The following COLGALT1 variants were observed in gnomAD, a reference collection of about 807,000 sequenced individuals.
The protein encoded by COLGALT1 is collagen beta(1-O)galactosyltransferase 1.
Under a neutral mutation model 60.8 loss-of-function variants are expected in COLGALT1, and 43 were observed. The observed-to-expected ratio is 0.71, with a 90% CI of 0.55 to 0.91. COLGALT1 has a LOEUF of 0.91. COLGALT1 is among the 40% of genes least tolerant of loss of function. The pLI, the probability that COLGALT1 is intolerant of heterozygous loss-of-function variation, is 0.00. For missense variants in COLGALT1, 845 were observed against 880.0 expected, an observed-to-expected ratio of 0.96 and a Z score of 0.50; for synonymous variants, 369 against 374.2, an observed-to-expected ratio of 0.99 and a Z score of 0.16.
At position 17,556,007 on chromosome 19, in the gene COLGALT1, C is replaced by T. The variant is rs2076208582; in HGVS notation, c.260+34C>T. 3.9e-6 allele frequency: 5 copies of T among 1,289,122 alleles called. No individual in the cohort carries two copies. The South Asian group carries it at 1.1e-4, about 28-fold the overall frequency. 79.9% of individuals were successfully genotyped at this position (1,289,122 alleles called of 1,614,324 possible). On this transcript the variant is annotated intron_variant, in intron 1 of 11. Transcript: ENST00000252599. ...AGCCCGCTGTCCCCATCAGGCGGGT[C>T]ACGCGAGCCCCTGCTTGCTGTCCCC...
chr19:17,577,325 A>G, intron 7 of COLGALT1, 36 bp from the exon 8 acceptor site: 1 of 1,608,464 alleles, frequency 6.2e-7, no homozygotes, highest in Non-Finnish European at 8.5e-7. Flanking sequence ...CCTTGTTTGC[A>G]GGGGCTGATC....
rs1218390117 is a variant in COLGALT1 at position 17,560,244 on chromosome 19, C to T, written c.372-104C>T. 3 of 797,218 alleles carry T rather than the reference C, an allele frequency of 3.8e-6. No homozygotes were observed. In the East Asian group the frequency reaches 7.5e-5, roughly 20 times the overall value. 49.4% of individuals were successfully genotyped at this position (797,218 alleles called of 1,614,324 possible). On this transcript the variant is annotated intron_variant, in intron 2 of 11. Transcript: ENST00000252599. Reference sequence around the variant, plus strand: ...CATCCCTCAGATCAGCTTACACGTCCCCTCCTCCAGGAAGCTCTCTCTGAG... The same window carrying T: ...CATCCCTCAGATCAGCTTACACGTCTCCTCCTCCAGGAAGCTCTCTCTGAG...
chr19:17,581,205 C>T lies in COLGALT1; in HGVS notation c.1630C>T (p.Arg544Cys), dbSNP rs138362382. ...VSEYKAHFSL[R>C]NLHAFSVEPL... ...CGAGTACAAGGCCCACTTCTCCCTC[C>T]GCAACCTGCATGCCTTCTCTGTGGA... Residue 544 changes from arginine (R) to cysteine (C), a missense_variant, in exon 12 of 12, where the codon CGC becomes TGC. Arg to Cys is a radical substitution (Grantham distance 180). Transcript: ENST00000252599. The T allele has an allele frequency of 2.9e-5, 46 of 1,608,002 alleles. No individual in the cohort carries two copies. Among genetic ancestry groups the T allele is most frequent in the South Asian group, 3.3e-5 (3 of 90,996 alleles).
rs1419497920 is a variant in COLGALT1, at chr19:17,579,620, G to T, written c.1394+11G>T. On this transcript the variant is annotated intron_variant, in intron 10 of 11. Coordinates refer to ENST00000252599, the MANE Select transcript of COLGALT1 (RefSeq NM_024656.4). ...GGACTGGGACCTCATGTGAGTGGGG[G>T]TCTGAGGATGGGGTGAAGCTGGGGC... The T allele has an allele frequency of 1.3e-6, 2 of 1,557,230 alleles. No homozygotes were observed. The highest frequency in any genetic ancestry group is 1.7e-6 in the Non-Finnish European group (2 of 1,144,926).
In COLGALT1 at chr19:17,581,605, C is replaced by A; in HGVS notation, c.*161C>A. ...TGCTAAGCAATCACGTGCACACAGG[C>A]AGCATTAATGGAGTGCCTACTGCAT... On this transcript the variant is annotated 3_prime_UTR_variant, in exon 12 of 12. Transcript: ENST00000252599. 2 of 946,666 alleles carry A rather than the reference C, an allele frequency of 2.1e-6. No homozygotes were observed. The highest frequency in any genetic ancestry group is 1.7e-5 in the African/African-American group (1 of 60,370). The allele number at this position is 946,666 out of a possible 1,614,324, so 58.6% of individuals were successfully genotyped here.
chr19:17,566,244 T>TA (rs541399614), intron 3 of COLGALT1: 289 of 152,158 alleles, frequency 1.9e-3, no homozygotes, highest in African/African-American at 6.6e-3. Flanking sequence ...CATGTGTCTG[T>TA]AATCCCAGCT....
At position 17,580,690 on chromosome 19, in the gene COLGALT1, G is replaced by A. The variant is rs1568482852; in HGVS notation, c.1395-9G>A. The A allele has an allele frequency of 6.2e-7, 1 of 1,613,672 alleles. No individual in the cohort carries two copies. The highest frequency in any genetic ancestry group is 2.2e-5 in the East Asian group (1 of 44,872). ...GGAGGAGAGTGACAGGCCCGATCTT[G>A]CACCCCAGCTATGTGGGCCGGAAGC... is the stretch of plus-strand genomic sequence containing the variant. On this transcript the variant is annotated splice_polypyrimidine_tract_variant and intron_variant, in intron 10 of 11. Coordinates refer to ENST00000252599, the MANE Select transcript of COLGALT1 (RefSeq NM_024656.4).
chr19:17,556,110 C>G, intron 1 of COLGALT1, 137 bp downstream of exon 1: 2 of 1,002,060 alleles, frequency 2.0e-6, no homozygotes, highest in Non-Finnish European at 2.6e-6. Flanking sequence ...CTCGCTACCC[C>G]CATCGGGACG....
chr19:17,555,766 TGCTGCTTCTGCTG>T lies in COLGALT1; in HGVS notation c.54_66del (p.Leu19TrpfsTer86). 1 of 1,228,694 alleles carries T rather than the reference TGCTGCTTCTGCTG, an allele frequency of 8.1e-7. No individual in the cohort carries two copies. The highest frequency in any genetic ancestry group is 1.0e-6 in the Non-Finnish European group (1 of 986,224). The allele number at this position is 1,228,694 out of a possible 1,614,324, so 76.1% of individuals were successfully genotyped here. ...CGGCGCGGGCAGCCGCTCCTGGCGC[TGCTGCTTCTGCTG>T]CTGGCGCCACTGCCGCCGGGGGCCC... is the stretch of plus-strand genomic sequence containing the variant. On this transcript the variant is annotated frameshift_variant, in exon 1 of 12. Coordinates refer to ENST00000252599, the MANE Select transcript of COLGALT1 (RefSeq NM_024656.4). LOFTEE classifies it high-confidence loss of function.
chr19:17,579,675 G>A, intron 10 of COLGALT1, 66 bp downstream of exon 10: 1 of 1,524,468 alleles, frequency 6.6e-7, no homozygotes, highest in Non-Finnish European at 9.0e-7. Flanking sequence ...TAGAGGTGGG[G>A]GTGGGGGCAG....
rs751048049 is a variant in COLGALT1, at chr19:17,568,638, T to G, written c.754T>G (p.Phe252Val). The G allele has an allele frequency of 1.2e-6, 2 of 1,614,164 alleles. No individual in the cohort carries two copies. Among genetic ancestry groups the G allele is most frequent in the East Asian group, 2.2e-5 (1 of 44,884 alleles). Residue 252 changes from phenylalanine (F) to valine (V), a missense_variant, in exon 5 of 12, where the codon TTC (phenylalanine) becomes GTC (valine). Coordinates refer to ENST00000252599, the MANE Select transcript of COLGALT1 (RefSeq NM_024656.4). ...GAAGGCGGCGTCCAGGAACCTGGCC[T>G]TCTACCCACCTCACCCTGACTACAC... ...LRKAASRNLA[F>V]YPPHPDYTWS... is the part of the protein sequence containing the mutation.
At chr19:17,560,602 A>C (rs2076243249) in intron 3 of COLGALT1, 137 bp downstream of exon 3, 2 of 698,944 alleles carry the variant, frequency 2.9e-6, no homozygotes, top group East Asian at 5.3e-5. Context: ...AGGGGAGATG[A>C]GTTGCTTGAG....
intron 3 of COLGALT1, among the ~76,000 whole-genome samples, chr19:17,565,614 G>C (rs755507376): frequency 1.3e-5 from 2 of 150,974 alleles, no homozygotes; most frequent in Non-Finnish European, 3.0e-5. Context: ...AGGTTGCAGT[G>C]AGCCGAGATC....
In COLGALT1 at chr19:17,582,298, T is replaced by C. The variant is rs2144855857; in HGVS notation, c.*854T>C. The C allele has an allele frequency of 6.6e-6, 1 of 152,330 alleles. No homozygotes were observed. The highest frequency in any genetic ancestry group is 1.5e-5 in the Non-Finnish European group (1 of 68,022). The allele number at this position is 152,330 out of a possible 1,614,324, so 9.4% of individuals were successfully genotyped here. Reference sequence around the variant, plus strand: ...ACCTACTGTGTGCCTGGCACTCATGTCACAAAGATAAGTTCCTGATTCGGT... The same window carrying C: ...ACCTACTGTGTGCCTGGCACTCATGCCACAAAGATAAGTTCCTGATTCGGT... On this transcript the variant is annotated 3_prime_UTR_variant, in exon 12 of 12. Coordinates refer to ENST00000252599, the MANE Select transcript of COLGALT1 (RefSeq NM_024656.4).
In COLGALT1 at chr19:17,577,456, C is replaced by T. The variant is rs779994127; in HGVS notation, c.1122C>T (p.Ala374=). The change falls in exon 8 of 12, where the codon GCC becomes GCT. Residue 374 remains alanine, a synonymous_variant. Coordinates refer to ENST00000252599, the MANE Select transcript of COLGALT1 (RefSeq NM_024656.4). ...AQEIECRLVE[A]VDGKAMNTSQ... The stretch of plus-strand genomic sequence containing the variant: ...AGATCGAGTGCCGGCTGGTGGAGGC[C>T]GTGGACGGCAAGTGAGTCCGAGGCC... 12 of 901,462 alleles carry T rather than the reference C, an allele frequency of 1.3e-5. 1 individual carries two copies. The South Asian group carries it at 2.7e-4, about 20-fold the overall frequency. 55.8% of individuals were successfully genotyped at this position (901,462 alleles called of 1,614,324 possible).
At chr19:17,563,708 C>G (rs1599780659) in intron 3 of COLGALT1, among the ~76,000 whole-genome samples, 2 of 152,136 alleles carry the variant, frequency 1.3e-5, no homozygotes. Flanking sequence ...CCAGGCTGAT[C>G]TCGAACTCCT....
Position 17,572,527 on chromosome 19 carries a change from C to G in COLGALT1, c.874C>G (p.Pro292Ala), listed in dbSNP as rs149400191. The G allele has an allele frequency of 4.3e-6, 7 of 1,614,160 alleles. No individual in the cohort carries two copies. Among genetic ancestry groups the G allele is most frequent in the East Asian group, 2.2e-5 (1 of 44,870 alleles). ...CAACAAGGAGGAGTACGGATTCTTG[C>G]CAGTGCCATTGCGCGCCCACAGCAC... ...VCNKEEYGFL[P>A]VPLRAHSTLQ... The change falls in exon 6 of 12, where the codon CCA (proline) becomes GCA (alanine). Residue 292 changes from proline (P) to alanine (A), a missense_variant. Transcript: ENST00000252599.
intron 5 of COLGALT1, 91 bp from the exon 6 acceptor site, chr19:17,572,392 C>G: frequency 6.3e-7 from 1 of 1,588,734 alleles, no homozygotes; most frequent in East Asian, 2.2e-5. Flanking sequence ...GATCCTCCTG[C>G]GTTGGCCTCC....
intron 3 of COLGALT1, among the ~76,000 whole-genome samples, chr19:17,565,465 C>T (rs1173178399): frequency 2.0e-5 from 3 of 152,122 alleles, no homozygotes; most frequent in African/African-American, 7.2e-5. Context: ...CTGCACCCGG[C>T]CTGGCTGTTG....
Sources: allele counts gnomAD v4.1 joint callset (sites outside exome capture counted in the v4.1 genomes callset), GRCh38; gene constraint gnomAD v4.1.1; transcripts MANE v1.5; gene names NCBI Gene and HGNC (gene_info 2026-07-23, HGNC 2026-07-21).